Variants in XAGE2 observed in about 807,000 individuals in gnomAD.
The protein encoded by XAGE2 is G antigen family D member 3.
A neutral mutation model predicts 9.9 loss-of-function variants in XAGE2; 7 were observed. The observed-to-expected ratio is 0.71, with a 90% CI of 0.40 to 1.32. XAGE2 has a LOEUF of 1.32. Among genes scored for constraint, XAGE2 ranks in the 40% most tolerant of loss-of-function variants. XAGE2 has a pLI of 0.01. For synonymous variants in XAGE2, 31 were observed against 26.8 expected (o/e 1.16, Z -0.48); for missense variants, 85 against 81.0 (o/e 1.05, Z -0.19).
At chrX:52,370,371 G>A (rs1052945113) in intron 2 of XAGE2, among the ~76,000 whole-genome samples, 196 bp from the exon 3 acceptor site, 1 of 112,322 alleles carries the variant, frequency 8.9e-6, no homozygotes, top group Non-Finnish European at 1.9e-5. Context: ...AAGCCTTTGA[G>A]GGTAACTGTC....
At chrX:52,370,235 C>A in intron 2 of XAGE2, 140 bp downstream of exon 2, 1 of 688,113 alleles carries the variant, frequency 1.5e-6, no homozygotes, top group Non-Finnish European at 2.3e-6. Context: ...AAAGACTAAT[C>A]CAAGAGTATT....
chrX:52,373,219 A>G (rs1921235452), intron 4 of XAGE2, among the ~76,000 whole-genome samples: 1 of 112,378 alleles, frequency 8.9e-6, no homozygotes, highest in Non-Finnish European at 1.9e-5. Context: ...TTTTCCTAAC[A>G]ATCAGCTTCA....
intron 3 of XAGE2, 105 bp from the exon 4 acceptor site, chrX:52,372,439 G>A (rs1400289036): frequency 2.0e-6 from 2 of 1,021,791 alleles, no homozygotes; most frequent in African/African-American, 1.9e-5. Context: ...TATCACACTA[G>A]CCTACAGGCT....
chrX:52,375,487 A>C (rs2146416421), intron 4 of XAGE2, 82 bp from the exon 5 acceptor site: 2 of 1,065,648 alleles, frequency 1.9e-6, no homozygotes, highest in East Asian at 3.1e-5. Flanking sequence ...CGAAACAAAA[A>C]CTTTGGTGTC....
chrX:52,372,601 G>T lies in XAGE2; in HGVS notation c.245G>T (p.Cys82Phe). The T allele has an allele frequency of 8.3e-7, 1 of 1,211,500 alleles. No homozygotes were observed. The highest frequency in any genetic ancestry group is 1.8e-5 in the South Asian group (1 of 56,987). The change falls in exon 4 of 5, where the codon TGT (cysteine) becomes TTT (phenylalanine). Residue 82 changes from cysteine to phenylalanine, a missense_variant. Transcript: ENST00000286049. ...ELCQTKTGDG[C>F]EGGTDVKGKI... ...TGTCAGACAAAGACTGGGGATGGAT[G>T]TGAAGGTGGTACTGATGTCAAGGGG...
chrX:52,373,336 G>A (rs1427771075), intron 4 of XAGE2, among the ~76,000 whole-genome samples: 1 of 111,855 alleles, frequency 8.9e-6, no homozygotes, highest in Non-Finnish European at 1.9e-5. Flanking sequence ...AGTGTTCTTG[G>A]ATTTTGTCAA....
rs35168443 is a variant in XAGE2 at position 52,370,574 on chromosome X, C to G, written c.89C>G (p.Thr30Ser). 2,312 of 1,209,206 alleles carry G rather than the reference C, an allele frequency of 1.9e-3. 30 individuals are homozygous for G. The African/African-American group carries it at 0.036, about 19-fold the overall frequency. Residue 30 changes from threonine (T) to serine (S), a missense_variant, in exon 3 of 5, where the codon ACT (threonine) becomes AGT (serine). Physicochemically the swap from Thr to Ser is moderately conservative, Grantham distance 58 (BLOSUM62 1). Coordinates refer to ENST00000286049, the MANE Select transcript of XAGE2 (RefSeq NM_130777.3). ...GCCTCCCCTTTGTCCCAGGAACCCA[C>G]TGATGAAGAGCCTAAAGAAGAGAAA... ...PELIGAMLEP[T>S]DEEPKEEKPP... is the part of the protein sequence containing the mutation.
Position 52,370,587 on chromosome X carries a change from TAAAGAAGAG to T in XAGE2, c.106_114del (p.Glu36_Lys38del). On this transcript the variant is annotated inframe_deletion, in exon 3 of 5. Transcript: ENST00000286049. ...CCCAGGAACCCACTGATGAAGAGCC[TAAAGAAGAG>T]AAACCACCCACTAAAAGTCGGAATC... is the stretch of plus-strand genomic sequence containing the variant. 8.3e-7 allele frequency: 1 copy of T among 1,211,332 alleles called. No individual in the cohort carries two copies.
intron 1 of XAGE2, 47 bp from the exon 2 acceptor site, chrX:52,369,960 G>A: frequency 8.7e-7 from 1 of 1,154,875 alleles, no homozygotes; most frequent in Non-Finnish European, 1.2e-6. Flanking sequence ...GTCAAATACA[G>A]CTATCCTCTC....
At chrX:52,372,754 G>T in intron 4 of XAGE2, 85 bp downstream of exon 4, 1 of 1,103,947 alleles carries the variant, frequency 9.1e-7, no homozygotes, top group Non-Finnish European at 1.2e-6. Flanking sequence ...TAATATTACT[G>T]CCACTTTAAT....
At chrX:52,371,316 G>A (rs1012792247) in intron 3 of XAGE2, among the ~76,000 whole-genome samples, 23 of 112,050 alleles carry the variant, frequency 2.1e-4, no homozygotes, top group African/African-American at 7.1e-4. Flanking sequence ...ATTGGCTCAG[G>A]AGAAAACAAA....
rs1273620162 is a variant in XAGE2, at chrX:52,370,577, A to G, written c.92A>G (p.Asp31Gly). ...ELIGAMLEPT[D>G]EEPKEEKPPT... The stretch of plus-strand genomic sequence containing the variant: ...TCCCCTTTGTCCCAGGAACCCACTG[A>G]TGAAGAGCCTAAAGAAGAGAAACCA... Residue 31 changes from aspartate (D) to glycine (G), a missense_variant, in exon 3 of 5, where the codon GAT becomes GGT. Coordinates refer to ENST00000286049, the MANE Select transcript of XAGE2 (RefSeq NM_130777.3). 40 of 1,209,572 alleles carry G rather than the reference A, an allele frequency of 3.3e-5. No individual in the cohort carries two copies. Among genetic ancestry groups the G allele is most frequent in the Non-Finnish European group, 4.1e-5 (37 of 894,810 alleles).
intron 1 of XAGE2, among the ~76,000 whole-genome samples, 173 bp downstream of exon 1, chrX:52,369,387 G>A (rs1265661248): frequency 1.8e-5 from 2 of 110,893 alleles, no homozygotes; most frequent in African/African-American, 6.6e-5. Context: ...TCTGAGTCCC[G>A]AAAGTGCCTG....
At chrX:52,375,099 C>T (rs1476700092) in intron 4 of XAGE2, among the ~76,000 whole-genome samples, 1 of 112,069 alleles carries the variant, frequency 8.9e-6, no homozygotes, top group African/African-American at 3.2e-5. Flanking sequence ...TAACTCTTTT[C>T]TTAAAAGATA....
chrX:52,375,472 C>T lies in XAGE2; in HGVS notation c.314-97C>T, dbSNP rs1921291821. The stretch of plus-strand genomic sequence containing the variant: ...CTCTTGGGTTTATGGTCTTAGTCCA[C>T]TGTACGAAACAAAAACTTTGGTGTC... On this transcript the variant is annotated intron_variant, in intron 4 of 4. Transcript: ENST00000286049. The T allele has an allele frequency of 5.4e-6, 5 of 919,589 alleles. No homozygotes were observed. In the South Asian group the frequency reaches 1.1e-4, roughly 20 times the overall value. 75.8% of individuals were successfully genotyped at this position (919,589 alleles called of 1,213,427 possible).
At chrX:52,369,333 G>C (rs1453745996) in intron 1 of XAGE2, 119 bp downstream of exon 1, 1 of 112,213 alleles carries the variant, frequency 8.9e-6, no homozygotes, top group Non-Finnish European at 1.9e-5. Flanking sequence ...GTGAAGGGGA[G>C]CCAGATGAAG....
rs1290422339 is a variant in XAGE2 at position 52,375,512 on chromosome X, ATG to A, written c.314-54_314-53del. 178 of 1,160,872 alleles carry A rather than the reference ATG, an allele frequency of 1.5e-4. No homozygotes were observed. The East Asian group carries it at 5.3e-3, about 34-fold the overall frequency. On this transcript the variant is annotated intron_variant, in intron 4 of 4. Transcript: ENST00000286049. ...ACTTTGGTGTCATTTGCATATCTTAATGTGATCTAAATACAGTTCTGCTAGTA... is the reference window on the plus strand; with the variant it reads ...ACTTTGGTGTCATTTGCATATCTTAATGATCTAAATACAGTTCTGCTAGTA...
At chrX:52,375,092 C>T (rs1419106372) in intron 4 of XAGE2, among the ~76,000 whole-genome samples, 2 of 112,099 alleles carry the variant, frequency 1.8e-5, no homozygotes, top group African/African-American at 3.2e-5. Flanking sequence ...GTGACATTAA[C>T]TCTTTTCTTA....
intron 4 of XAGE2, among the ~76,000 whole-genome samples, chrX:52,374,836 T>G (rs1223091152): frequency 1.8e-5 from 2 of 111,856 alleles, no homozygotes; most frequent in African/African-American, 6.5e-5. Flanking sequence ...ATAATGATAA[T>G]GATAGATTAA....
Sources: allele counts gnomAD v4.1 joint callset (sites outside exome capture counted in the v4.1 genomes callset), GRCh38; gene constraint gnomAD v4.1.1; transcripts MANE v1.5; gene names NCBI Gene and HGNC (gene_info 2026-07-23, HGNC 2026-07-21).